KLHL2: variants seen among roughly 807,000 people sequenced by gnomAD.
KLHL2 encodes kelch like family member 2.
Under a neutral mutation model 75.8 loss-of-function variants are expected in KLHL2, and 15 were observed. The ratio of observed to expected loss-of-function variants is 0.20; its 90% CI spans 0.13 to 0.30. The LOEUF (loss-of-function observed/expected upper bound fraction) is 0.30, where lower values mean the gene tolerates loss of function less well. Among genes scored for constraint, KLHL2 ranks in the 10% least tolerant of loss-of-function variants. KLHL2 has a pLI of 1.00. For missense variants in KLHL2, 381 were observed against 741.0 expected (o/e 0.51, Z 5.64); for synonymous variants, 214 against 251.9 (o/e 0.85, Z 1.42).
intron 4 of KLHL2, among the ~76,000 whole-genome samples, chr4:165,257,053 C>T (rs1278475833): frequency 6.6e-6 from 1 of 152,180 alleles, no homozygotes; most frequent in East Asian, 1.9e-4. Flanking sequence ...AAGTTCTTCT[C>T]AATTTTTTAT....
rs867163660 is a variant in KLHL2, at chr4:165,251,710, C to T, written c.382-11487C>T. Among the ~76,000 whole-genome samples the T allele has an allele frequency of 4.9e-4, 73 of 148,438 alleles. 1 individual carries two copies. The Middle Eastern group carries it at 0.01, about 21-fold the overall frequency. ...CTGCAAGCTCCGCCTCCCGGGTTCACGCCATTCTCCTGCCTCAGCCTCCCA... is the reference window on the plus strand; with the variant it reads ...CTGCAAGCTCCGCCTCCCGGGTTCATGCCATTCTCCTGCCTCAGCCTCCCA... On this transcript the variant is annotated intron_variant, in intron 4 of 14. Transcript: ENST00000226725.
chr4:165,281,499 T>C (rs1201394862), intron 5 of KLHL2, among the ~76,000 whole-genome samples: 1 of 152,082 alleles, frequency 6.6e-6, no homozygotes, highest in Non-Finnish European at 1.5e-5. Flanking sequence ...GTATTTTTAG[T>C]AGAGATAGGG....
intron 3 of KLHL2, among the ~76,000 whole-genome samples, chr4:165,232,878 CTT>C (rs912954260): frequency 2.1e-3 from 110 of 52,562 alleles, no homozygotes; most frequent in African/African-American, 7.9e-3. Flanking sequence ...CCCTGTTAAG[CTT>C]TTTTTTTTTT....
chr4:165,222,465 G>T (rs1738075727), intron 2 of KLHL2, among the ~76,000 whole-genome samples: 1 of 152,112 alleles, frequency 6.6e-6, no homozygotes, highest in Non-Finnish European at 1.5e-5. Flanking sequence ...GCTGGGTCTG[G>T]TATGTCACTG....
At chr4:165,208,036 G>A (rs1024766777) in intron 1 of KLHL2, 134 bp downstream of exon 1, 3 of 510,048 alleles carry the variant, frequency 5.9e-6, no homozygotes, top group Non-Finnish European at 8.7e-6. Flanking sequence ...GCGTGACGAG[G>A]CGCTGTGCCC....
Position 165,207,808 on chromosome 4 carries a change from C to T in KLHL2, c.-69C>T, listed in dbSNP as rs1736927651. 3.0e-6 allele frequency: 4 copies of T among 1,355,848 alleles called. No homozygotes were observed. Among genetic ancestry groups the T allele is most frequent in the South Asian group, 1.4e-5 (1 of 72,426 alleles). 84.0% of individuals were successfully genotyped at this position (1,355,848 alleles called of 1,614,324 possible). A position where few individuals can be genotyped will look rare whatever the true frequency, so the allele number is the denominator to read the frequency against. On this transcript the variant is annotated 5_prime_UTR_variant, in exon 1 of 15. Coordinates refer to ENST00000226725, the MANE Select transcript of KLHL2 (RefSeq NM_007246.4). The surrounding 1 kb of genome is among the most constrained non-coding windows in gnomAD (Gnocchi z 4.2). ...CGGCTCGGCGGGCGGGCAGTGCCGG[C>T]GTCCGCGGCTGGAATGGTGCTGGCT...
intron 4 of KLHL2, among the ~76,000 whole-genome samples, chr4:165,253,817 A>G (rs1579049289): frequency 1.3e-5 from 2 of 152,320 alleles, no homozygotes; most frequent in African/African-American, 4.8e-5. Context: ...TCCTCATAAC[A>G]TATTTGTGAG....
chr4:165,232,470 C>T (rs1378112531), intron 3 of KLHL2, among the ~76,000 whole-genome samples: 1 of 151,472 alleles, frequency 6.6e-6, no homozygotes, highest in African/African-American at 2.4e-5. Context: ...GTGGCTCATG[C>T]CTGTAATCCC....
intron 5 of KLHL2, among the ~76,000 whole-genome samples, chr4:165,283,655 G>T (rs1489325101): frequency 2.0e-5 from 3 of 152,170 alleles, no homozygotes. Flanking sequence ...CATGGTGCAG[G>T]CTATCAGTGA....
At chr4:165,216,876 T>G (rs1737577335) in intron 1 of KLHL2, among the ~76,000 whole-genome samples, 1 of 152,198 alleles carries the variant, frequency 6.6e-6, no homozygotes, top group Non-Finnish European at 1.5e-5. Context: ...AGCCTTTGAA[T>G]AAAGTCTTCT....
intron 5 of KLHL2, chr4:165,277,748 A>AAACAC (rs370662927): frequency 2.0e-6 from 1 of 491,648 alleles, no homozygotes; most frequent in African/African-American, 2.0e-5. Flanking sequence ...GGATGTTAAA[A>AAACAC]ACACACACAC....
At chr4:165,216,793 AT>A (rs1268981254) in intron 1 of KLHL2, among the ~76,000 whole-genome samples, 1 of 152,122 alleles carries the variant, frequency 6.6e-6, no homozygotes, top group Non-Finnish European at 1.5e-5. Flanking sequence ...AGAAGGGGTG[AT>A]GTATTTGTAA....
chr4:165,317,913 C>T lies in KLHL2; in HGVS notation c.1697C>T (p.Thr566Ile), dbSNP rs768762514. ...NLASVEYYNPTTDKWTVVSSC... is the reference protein window; with the variant it reads ...NLASVEYYNPITDKWTVVSSC... ...GCGTCAGTAGAATATTATAACCCAA[C>T]AACCGATAAATGGACAGTTGTGTCA... The change falls in exon 14 of 15, where the codon ACA becomes ATA. Residue 566 changes from threonine to isoleucine, a missense_variant. By Grantham distance (89) the Thr-to-Ile change is moderately conservative. Around this residue, in one of 5 missense-constraint regions of KLHL2, gnomAD observed 168 missense variants for 370.4 expected, o/e 0.45. Transcript: ENST00000226725. The T allele has an allele frequency of 9.9e-6, 16 of 1,613,820 alleles. No homozygotes were observed. Among genetic ancestry groups the T allele is most frequent in the South Asian group, 9.9e-5 (9 of 91,062 alleles).
chr4:165,209,679 TATA>T (rs57438430), intron 1 of KLHL2, among the ~76,000 whole-genome samples: 1 of 152,342 alleles, frequency 6.6e-6, no homozygotes, highest in East Asian at 1.9e-4. Flanking sequence ...GAGGCTGAGA[TATA>T]ATGGAAAACT....
At chr4:165,287,287 A>G (rs1744165056) in intron 5 of KLHL2, among the ~76,000 whole-genome samples, 1 of 152,206 alleles carries the variant, frequency 6.6e-6, no homozygotes, top group Non-Finnish European at 1.5e-5. Flanking sequence ...TACACTTAGC[A>G]TAATGTTCTC....
At chr4:165,221,067 G>T (rs1326076830) in intron 2 of KLHL2, among the ~76,000 whole-genome samples, 3 of 152,128 alleles carry the variant, frequency 2.0e-5, no homozygotes, top group African/African-American at 7.2e-5. Context: ...CTGCCTAAAA[G>T]CTCTCCCTTT....
intron 4 of KLHL2, among the ~76,000 whole-genome samples, chr4:165,253,470 T>C (rs1389777230): frequency 2.0e-5 from 3 of 152,232 alleles, no homozygotes; most frequent in Non-Finnish European, 4.4e-5. Flanking sequence ...TCAGTACAGA[T>C]GCACTATTTT....
chr4:165,230,838 T>C (rs1323673953), intron 3 of KLHL2, among the ~76,000 whole-genome samples: 2 of 152,270 alleles, frequency 1.3e-5, no homozygotes, highest in East Asian at 3.8e-4. Context: ...CTAATGGTTC[T>C]CTATGCTTCA....
At chr4:165,308,804 G>C (rs1033050115) in intron 9 of KLHL2, among the ~76,000 whole-genome samples, 3 of 152,178 alleles carry the variant, frequency 2.0e-5, no homozygotes, top group Admixed American at 2.0e-4. Flanking sequence ...GCTGAAACAT[G>C]CTGCCTGGTA....
Sources: allele counts gnomAD v4.1 joint callset (sites outside exome capture counted in the v4.1 genomes callset), GRCh38; gene constraint gnomAD v4.1.1; regional missense constraint gnomAD v4.1.1; non-coding constraint Gnocchi (gnomAD v3.1); transcripts MANE v1.5; gene names NCBI Gene and HGNC (gene_info 2026-07-23, HGNC 2026-07-21).